Variants in EGFR observed in about 807,000 individuals in gnomAD.
The protein encoded by EGFR is avian erythroblastic leukemia viral (v-erb-b) oncogene homolog.
Under a neutral mutation model 143.0 loss-of-function variants are expected in EGFR, and 58 were observed. The observed-to-expected ratio is 0.41, with a 90% CI of 0.33 to 0.50. The LOEUF is 0.50. EGFR is among the 20% of genes least tolerant of loss of function. The probability of loss-of-function intolerance (pLI) is 0.39; values close to 1 mark genes in which losing one functional copy is unlikely to be tolerated. For missense variants in EGFR, 1,307 were observed against 1,579.0 expected, an observed-to-expected ratio of 0.83 and a Z score of 2.92; for synonymous variants, 613 against 594.4, an observed-to-expected ratio of 1.03 and a Z score of -0.45.
chr7:55,191,930 C>T (rs2128964853), intron 21 of EGFR, 56 bp downstream of exon 21: 1 of 1,607,146 alleles, frequency 6.2e-7, no homozygotes, highest in Non-Finnish European at 8.5e-7. Flanking sequence ...GACCAGGCTG[C>T]CTTCCCACTA....
intron 1 of EGFR, among the ~76,000 whole-genome samples, chr7:55,092,665 C>T (rs1344985618): frequency 6.6e-6 from 1 of 152,184 alleles, no homozygotes; most frequent in Non-Finnish European, 1.5e-5. Context: ...ATATCTTCTC[C>T]GCCAGATCAA....
intron 1 of EGFR, among the ~76,000 whole-genome samples, chr7:55,067,352 G>T (rs878880050): frequency 6.8e-6 from 1 of 146,646 alleles, no homozygotes; most frequent in East Asian, 1.9e-4. Flanking sequence ...TGTTCCACGT[G>T]TTGGAAGGCA....
intron 4 of EGFR, among the ~76,000 whole-genome samples, chr7:55,150,367 C>T (rs960757669): frequency 2.0e-5 from 3 of 152,200 alleles, no homozygotes; most frequent in East Asian, 3.9e-4. Flanking sequence ...CCAGCCTCCC[C>T]GGCCTTCATG....
intron 1 of EGFR, among the ~76,000 whole-genome samples, chr7:55,036,271 T>TGTGTGGG: frequency 4.5e-5 from 1 of 22,380 alleles, no homozygotes; most frequent in Non-Finnish European, 8.6e-5. Flanking sequence ...TGTGTGTGTG[T>TGTGTGGG]GGGGGGGGGG....
chr7:55,111,541 T>TA (rs1792489628), intron 1 of EGFR, among the ~76,000 whole-genome samples: 2 of 152,160 alleles, frequency 1.3e-5, no homozygotes, highest in South Asian at 2.1e-4. Flanking sequence ...AAATACTGTC[T>TA]AAAAAACACT....
rs775252718 is a variant in EGFR, at chr7:55,154,017, C to G, written c.754C>G (p.Arg252Gly). The G allele has an allele frequency of 1.2e-6, 2 of 1,614,186 alleles. No homozygotes were observed. Among genetic ancestry groups the G allele is most frequent in the Non-Finnish European group, 1.7e-6 (2 of 1,180,044 alleles). The change falls in exon 7 of 28, where the codon CGC becomes GGC. Residue 252 changes from arginine to glycine, a missense_variant. By Grantham distance (125) the Arg-to-Gly change is moderately radical. This residue lies in a region of EGFR where 311 missense variants were observed against 412.3 expected (regional missense o/e 0.75). Coordinates refer to ENST00000275493, the MANE Select transcript of EGFR (RefSeq NM_005228.5). ...GPRESDCLVC[R>G]KFRDEATCKD... The stretch of plus-strand genomic sequence containing the variant: ...TGTCCTCTCTCCTCCATAGGTCTGC[C>G]GCAAATTCCGAGACGAAGCCACGTG...
At chr7:55,096,209 T>C (rs1016431236) in intron 1 of EGFR, among the ~76,000 whole-genome samples, 1 of 152,236 alleles carries the variant, frequency 6.6e-6, no homozygotes, top group Non-Finnish European at 1.5e-5. Flanking sequence ...TGCAGCCCTT[T>C]CTACCTCATT....
chr7:55,140,010 A>G (rs1156583527), intron 1 of EGFR, among the ~76,000 whole-genome samples: 1 of 151,854 alleles, frequency 6.6e-6, no homozygotes, highest in Non-Finnish European at 1.5e-5. Flanking sequence ...GCTTTTATTC[A>G]TTTATTCAAA....
intron 20 of EGFR, 86 bp from the exon 21 acceptor site, chr7:55,191,633 C>T (rs1787398161): frequency 1.9e-6 from 3 of 1,577,116 alleles, no homozygotes; most frequent in Admixed American, 1.7e-5. Context: ...AGGCTCAGAG[C>T]CTGGCATGAA....
intron 19 of EGFR, among the ~76,000 whole-genome samples, chr7:55,176,729 T>C (rs1001361190): frequency 2.0e-5 from 3 of 150,286 alleles, no homozygotes; most frequent in Admixed American, 6.7e-5. Context: ...TAGTTAGATA[T>C]AAATATTAAT....
At chr7:55,185,698 A>G (rs374935267) in intron 20 of EGFR, among the ~76,000 whole-genome samples, 18 of 152,222 alleles carry the variant, frequency 1.2e-4, no homozygotes, top group African/African-American at 4.3e-4. Context: ...AAACAATATC[A>G]GTTTACAGTC....
At chr7:55,156,276 G>A (rs750722731) in intron 8 of EGFR, among the ~76,000 whole-genome samples, 1 of 152,174 alleles carries the variant, frequency 6.6e-6, no homozygotes, top group Non-Finnish European at 1.5e-5. Context: ...TGAGGAGAAC[G>A]CAAGGTCAGT....
At chr7:55,055,787 C>T (rs1053249374) in intron 1 of EGFR, among the ~76,000 whole-genome samples, 1 of 151,888 alleles carries the variant, frequency 6.6e-6, no homozygotes, top group African/African-American at 2.4e-5. Context: ...TCATCTTGAA[C>T]TCCTTCGAGT....
intron 1 of EGFR, among the ~76,000 whole-genome samples, chr7:55,137,850 T>C (rs1584132157): frequency 6.6e-6 from 1 of 152,144 alleles, no homozygotes; most frequent in Admixed American, 6.5e-5. Flanking sequence ...GGGAGGGGCA[T>C]GAGGGATGAC....
chr7:55,097,641 T>C lies in EGFR; in HGVS notation c.89-44645T>C, dbSNP rs559446553. Among the ~76,000 whole-genome samples the C allele has an allele frequency of 2.0e-3, 309 of 152,336 alleles. 2 individuals are homozygous for C. The highest frequency in any genetic ancestry group is 5.0e-3 in the South Asian group (24 of 4,830). On this transcript the variant is annotated intron_variant, in intron 1 of 27. Transcript: ENST00000275493. ...CTCCTTCTAAATATACGTGTCACTT[T>C]GTACCTGATTTCTATAAGACCCAGG...
At chr7:55,167,358 T>C (rs111361325) in intron 15 of EGFR, among the ~76,000 whole-genome samples, 2 of 116,520 alleles carry the variant, frequency 1.7e-5, no homozygotes, top group East Asian at 3.1e-4. Context: ...ACAATGGTGG[T>C]GGTGTTGATG....
rs1431191321 is a variant in EGFR at position 55,161,065 on chromosome 7, A to T, written c.1499-434A>T. ...AGCTCTGCTCCAGGCTGCCCTGGGT[A>T]CCATCAAAACACACCCTGTGCCCAG... On this transcript the variant is annotated intron_variant, in intron 12 of 27. Coordinates refer to ENST00000275493, the MANE Select transcript of EGFR (RefSeq NM_005228.5). 2.0e-4 allele frequency among the ~76,000 whole-genome samples: 31 copies of T among 152,158 alleles called. 1 individual carries two copies. Among genetic ancestry groups the T allele is most frequent in the Non-Finnish European group, 1.5e-5 (1 of 68,004 alleles).
intron 1 of EGFR, among the ~76,000 whole-genome samples, chr7:55,029,919 A>C (rs928522304): frequency 4.6e-5 from 7 of 152,214 alleles, no homozygotes; most frequent in African/African-American, 1.4e-4. Flanking sequence ...CTGTCCCTAT[A>C]ATTTAGATGC....
In EGFR at chr7:55,201,171, C is replaced by G. The variant is rs201715758; in HGVS notation, c.2947-17C>G. 6.2e-7 allele frequency: 1 copy of G among 1,614,124 alleles called. No individual in the cohort carries two copies. The highest frequency in any genetic ancestry group is 8.5e-7 in the Non-Finnish European group (1 of 1,180,030). ...TCTCTACGGGCCATTCTAATAGCCT[C>G]AAAATCTCTGCACCAGGGGGATGAA... On this transcript the variant is annotated splice_polypyrimidine_tract_variant and intron_variant, in intron 24 of 27. Transcript: ENST00000275493.
Sources: allele counts gnomAD v4.1 joint callset (sites outside exome capture counted in the v4.1 genomes callset), GRCh38; gene constraint gnomAD v4.1.1; regional missense constraint gnomAD v4.1.1; transcripts MANE v1.5; gene names NCBI Gene and HGNC (gene_info 2026-07-23, HGNC 2026-07-21).